Variants in IGF1R observed in about 807,000 individuals in gnomAD.
IGF1R encodes the protein insulin-like growth factor 1 receptor.
IGF1R carries 44 observed loss-of-function variants against 144.6 expected under a neutral mutation model. That is an observed-to-expected ratio of 0.30 (90% CI 0.24 to 0.39). The LOEUF (loss-of-function observed/expected upper bound fraction) is 0.39, where lower values mean the gene tolerates loss of function less well. Ranked by LOEUF, IGF1R falls within the 10% of genes least tolerant of loss-of-function variation. The pLI, the probability that IGF1R is intolerant of heterozygous loss-of-function variation, is 1.00. For missense variants in IGF1R, 1,355 were observed against 1,833.7 expected (o/e 0.74, Z 4.77); for synonymous variants, 795 against 722.8 (o/e 1.10, Z -1.60).
intron 20 of IGF1R, chr15:98,954,359 A>T (rs946524193): frequency 1.3e-5 from 2 of 151,824 alleles, no homozygotes; most frequent in African/African-American, 4.8e-5. Flanking sequence ...AGCATTCGAG[A>T]AGGATGGCGC....
chr15:98,868,287 A>G (rs1319782644), intron 2 of IGF1R, among the ~76,000 whole-genome samples: 4 of 122,966 alleles, frequency 3.3e-5, no homozygotes, highest in African/African-American at 1.2e-4. Context: ...TGATGGCACC[A>G]CTGCACTCCA....
At chr15:98,664,836 G>A (rs545064656) in intron 1 of IGF1R, among the ~76,000 whole-genome samples, 10 of 151,570 alleles carry the variant, frequency 6.6e-5, no homozygotes, top group South Asian at 4.2e-4. Context: ...GAGGAAATAC[G>A]CATTAGAAGT....
chr15:98,808,589 T>G (rs1010894035), intron 2 of IGF1R, among the ~76,000 whole-genome samples: 12 of 152,120 alleles, frequency 7.9e-5, no homozygotes, highest in African/African-American at 2.9e-4. Flanking sequence ...GTGATGAATA[T>G]GACAAGGCCC....
chr15:98,829,226 C>T (rs2056956656), intron 2 of IGF1R, among the ~76,000 whole-genome samples: 1 of 152,188 alleles, frequency 6.6e-6, no homozygotes, highest in Non-Finnish European at 1.5e-5. Context: ...TTCCTTGTTG[C>T]TGCAGCCGTT....
At chr15:98,819,815 A>G (rs569144308) in intron 2 of IGF1R, among the ~76,000 whole-genome samples, 2 of 152,344 alleles carry the variant, frequency 1.3e-5, no homozygotes, top group South Asian at 2.1e-4. Context: ...ACCCCAGTAT[A>G]TGAATAGAGT....
At chr15:98,739,058 A>G (rs996652169) in intron 2 of IGF1R, among the ~76,000 whole-genome samples, 2 of 152,222 alleles carry the variant, frequency 1.3e-5, no homozygotes, top group African/African-American at 4.8e-5. Context: ...ATTGCTTTAA[A>G]AACATTGGTT....
chr15:98,814,187 T>C (rs2056647975), intron 2 of IGF1R, among the ~76,000 whole-genome samples: 1 of 152,214 alleles, frequency 6.6e-6, no homozygotes, highest in South Asian at 2.1e-4. Flanking sequence ...CACTAGATCC[T>C]GTTGCAAAAC....
At chr15:98,884,074 G>A (rs891887388) in intron 2 of IGF1R, among the ~76,000 whole-genome samples, 6 of 152,078 alleles carry the variant, frequency 3.9e-5, no homozygotes, top group African/African-American at 7.2e-5. Context: ...TAATCCCCTC[G>A]AGCACATTTC....
At chr15:98,783,188 A>G (rs1190416204) in intron 2 of IGF1R, among the ~76,000 whole-genome samples, 1 of 152,204 alleles carries the variant, frequency 6.6e-6, no homozygotes, top group African/African-American at 2.4e-5. Context: ...GAGTAATTCC[A>G]TGCACCATTT....
Position 98,860,528 on chromosome 15 carries a change from A to C in IGF1R, c.641-30797A>C, listed in dbSNP as rs1020316691. Among the ~76,000 whole-genome samples, 46 of 152,232 alleles carry C rather than the reference A, an allele frequency of 3.0e-4. 1 individual carries two copies. The highest frequency in any genetic ancestry group is 1.1e-3 in the African/African-American group (45 of 41,462). The stretch of plus-strand genomic sequence containing the variant: ...GCACTATCATGCTGGAAATCTTTCC[A>C]ACATGTATTCTGTACTTCTTTGCTT... On this transcript the variant is annotated intron_variant, in intron 2 of 20. Coordinates refer to ENST00000650285, the MANE Select transcript of IGF1R (RefSeq NM_000875.5).
At chr15:98,924,503 C>A in intron 12 of IGF1R, 22 bp from the exon 13 acceptor site, 1 of 1,613,244 alleles carries the variant, frequency 6.2e-7, no homozygotes, top group South Asian at 1.1e-5. Context: ...GGGAAATTGA[C>A]ATGTATGTTT....
intron 1 of IGF1R, among the ~76,000 whole-genome samples, chr15:98,662,802 C>T (rs1380096722): frequency 1.3e-5 from 2 of 152,074 alleles, no homozygotes; most frequent in African/African-American, 4.8e-5. Flanking sequence ...AGGCAGCTCC[C>T]CAGGAGAGGA....
chr15:98,756,267 A>G (rs889281341), intron 2 of IGF1R, among the ~76,000 whole-genome samples: 6 of 145,716 alleles, frequency 4.1e-5, no homozygotes, highest in African/African-American at 1.3e-4. Context: ...TTTTTTTTTA[A>G]GTTAGAGTAA....
intron 2 of IGF1R, among the ~76,000 whole-genome samples, chr15:98,752,490 T>G (rs900917604): frequency 6.6e-6 from 1 of 152,116 alleles, no homozygotes; most frequent in African/African-American, 2.4e-5. Flanking sequence ...GAGACCATCC[T>G]AACGCGGTGA....
chr15:98,960,884 C>T lies in IGF1R; in HGVS notation c.*3442C>T. ...TCCGGCTGGAAAGCCCAGTGGCCGGCGCCGAGGCTCGTGGCGTCACGCCCC... is the reference window on the plus strand; with the variant it reads ...TCCGGCTGGAAAGCCCAGTGGCCGGTGCCGAGGCTCGTGGCGTCACGCCCC... On this transcript the variant is annotated 3_prime_UTR_variant, in exon 21 of 21. Transcript: ENST00000650285. 8.6e-6 allele frequency: 2 copies of T among 233,880 alleles called. No homozygotes were observed. The highest frequency in any genetic ancestry group is 1.8e-4 in the South Asian group (1 of 5,526). The allele number at this position is 233,880 out of a possible 1,614,324, so 14.5% of individuals were successfully genotyped here.
At chr15:98,850,268 G>A (rs555609658) in intron 2 of IGF1R, among the ~76,000 whole-genome samples, 4 of 152,312 alleles carry the variant, frequency 2.6e-5, no homozygotes, top group Non-Finnish European at 4.4e-5. Context: ...GTGTTTGAGC[G>A]GAGACCTGAA....
At position 98,707,736 on chromosome 15, in the gene IGF1R, T is replaced by C. The variant is rs1173656358; in HGVS notation, c.269T>C (p.Val90Ala). The change falls in exon 2 of 21, where the codon GTG becomes GCG. Residue 90 changes from valine to alanine, a missense_variant. Val to Ala is a moderately conservative substitution (Grantham distance 64, BLOSUM62 0). This residue lies in a region of IGF1R where 75 missense variants were observed against 160.0 expected (regional missense o/e 0.47). Coordinates refer to ENST00000650285, the MANE Select transcript of IGF1R (RefSeq NM_000875.5). This position sits in a 1 kb window ranked among gnomAD's most constrained non-coding sequence, Gnocchi z 6.7. ...ACCGAGTACTTGCTGCTGTTCCGAG[T>C]GGCTGGCCTCGAGAGCCTCGGAGAC... ...VITEYLLLFR[V>A]AGLESLGDLF... 3.1e-6 allele frequency: 5 copies of C among 1,614,112 alleles called. No homozygotes were observed. In the South Asian group the frequency reaches 4.4e-5, roughly 14 times the overall value.
At chr15:98,806,128 G>A (rs894080330) in intron 2 of IGF1R, among the ~76,000 whole-genome samples, 1 of 152,232 alleles carries the variant, frequency 6.6e-6, no homozygotes, top group South Asian at 2.1e-4. Context: ...AAATTAGAAC[G>A]GCCTCACTCA....
At position 98,957,050 on chromosome 15, in the gene IGF1R, C is replaced by T; in HGVS notation, c.3723-11C>T. On this transcript the variant is annotated splice_polypyrimidine_tract_variant and intron_variant, in intron 20 of 20. Transcript: ENST00000650285. ...CCGGTTTGGACCCCCTCCCGTGTGT[C>T]TTGGCTGCAGGTTTGAACTGATGCG... The T allele has an allele frequency of 6.2e-7, 1 of 1,614,094 alleles. No individual in the cohort carries two copies. The highest frequency in any genetic ancestry group is 8.5e-7 in the Non-Finnish European group (1 of 1,180,024).
Sources: gnomAD v4.1 joint callset for allele counts (sites outside exome capture counted in the v4.1 genomes callset) on GRCh38, gnomAD v4.1.1 for gene constraint, gnomAD v4.1.1 regional missense constraint, Gnocchi (gnomAD v3.1) non-coding constraint, MANE v1.5 for transcripts, NCBI Gene and HGNC (gene_info 2026-07-23, HGNC 2026-07-21) for gene names.